The following SULF2 variants were observed in gnomAD, a reference collection of about 807,000 sequenced individuals.
SULF2 encodes the protein extracellular sulfatase Sulf-2.
A neutral mutation model predicts 107.7 loss-of-function variants in SULF2; 52 were observed. The observed-to-expected ratio is 0.48, with a 90% CI of 0.39 to 0.61. The LOEUF (loss-of-function observed/expected upper bound fraction) is 0.61. SULF2 is among the 20% of genes least tolerant of loss of function. The probability of loss-of-function intolerance (pLI) is 0.00; values close to 1 mark genes in which losing one functional copy is unlikely to be tolerated. For missense variants in SULF2, 993 were observed against 1,177.3 expected (o/e 0.84, Z 2.29); for synonymous variants, 460 against 464.3 (o/e 0.99, Z 0.12).
intron 1 of SULF2, among the ~76,000 whole-genome samples, chr20:47,775,702 A>G (rs1012997674): frequency 6.6e-6 from 1 of 152,222 alleles, no homozygotes; most frequent in Non-Finnish European, 1.5e-5. Flanking sequence ...TGGTACAAAG[A>G]TGAACAAGCT....
chr20:47,741,599 G>C (rs946009151), intron 2 of SULF2, among the ~76,000 whole-genome samples: 4 of 152,198 alleles, frequency 2.6e-5, no homozygotes, highest in African/African-American at 9.7e-5. Context: ...GCCTAGAACA[G>C]TGCCTGGCAC....
chr20:47,758,229 C>A (rs1024339209), intron 1 of SULF2, among the ~76,000 whole-genome samples: 1 of 143,878 alleles, frequency 7.0e-6, no homozygotes, highest in Non-Finnish European at 1.5e-5. Context: ...AGTGCAATGA[C>A]GCCATCTGGG....
chr20:47,721,687 A>G (rs1175994934), intron 3 of SULF2, among the ~76,000 whole-genome samples: 1 of 152,060 alleles, frequency 6.6e-6, no homozygotes, highest in Non-Finnish European at 1.5e-5. Flanking sequence ...GGGTTTCTAT[A>G]GTGGATATCT....
At chr20:47,701,533 G>A (rs376196938) in intron 4 of SULF2, among the ~76,000 whole-genome samples, 2 of 152,146 alleles carry the variant, frequency 1.3e-5, no homozygotes, top group Admixed American at 6.5e-5. Flanking sequence ...CACTCACTCC[G>A]AACATGCACA....
rs137857362 is a variant in SULF2, at chr20:47,752,845, C to G, written c.175+4344G>C. Among the ~76,000 whole-genome samples the G allele has an allele frequency of 8.3e-4, 126 of 152,136 alleles. 1 individual carries two copies. The highest frequency in any genetic ancestry group is 3.0e-3 in the African/African-American group (124 of 41,522). On this transcript the variant is annotated intron_variant, in intron 2 of 20. Coordinates refer to ENST00000688720, the MANE Select transcript of SULF2 (RefSeq NM_001387048.1). The stretch of plus-strand genomic sequence containing the variant: ...GGCCAGGTGTGGTGGCTCACGCCTG[C>G]GATCCCAGCATTTTGGGAGGCCGAG...
rs80096469 is a variant in SULF2, at chr20:47,704,144, C to T, written c.416-1474G>A. Among the ~76,000 whole-genome samples, 18 of 152,198 alleles carry T rather than the reference C, an allele frequency of 1.2e-4. 1 individual carries two copies. The Middle Eastern group carries it at 0.01, about 86-fold the overall frequency. ...GGAGCCATGCACTTTTCCACATGCA[C>T]GCTTTACATCAACAACAAAGCTTAA... On this transcript the variant is annotated intron_variant, in intron 3 of 20. Transcript: ENST00000688720.
rs147172298 is a variant in SULF2, at chr20:47,716,295, A to G, written c.416-13625T>C. Among the ~76,000 whole-genome samples the G allele has an allele frequency of 2.1e-3, 319 of 152,360 alleles. 2 individuals are homozygous for G. In the South Asian group the frequency reaches 0.035, roughly 17 times the overall value. The stretch of plus-strand genomic sequence containing the variant: ...GCTGGGCGTGATGACTTATGTGGTC[A>G]GGAGTTCAGGACCAGCCTGGCCAAT... On this transcript the variant is annotated intron_variant, in intron 3 of 20. Coordinates refer to ENST00000688720, the MANE Select transcript of SULF2 (RefSeq NM_001387048.1).
intron 4 of SULF2, among the ~76,000 whole-genome samples, chr20:47,695,295 A>G (rs2088338092): frequency 6.6e-6 from 1 of 152,224 alleles, no homozygotes; most frequent in South Asian, 2.1e-4. Flanking sequence ...GTGGTAAAAA[A>G]AAAATGAGCT....
intron 4 of SULF2, among the ~76,000 whole-genome samples, chr20:47,691,513 G>A (rs1313818952): frequency 2.6e-5 from 4 of 152,186 alleles, no homozygotes; most frequent in Admixed American, 2.6e-4. Context: ...CCAGGTATCA[G>A]ACTTTTAAAA....
At position 47,676,432 on chromosome 20, in the gene SULF2, G is replaced by A. The variant is rs577433970; in HGVS notation, c.1380+62C>T. The A allele has an allele frequency of 1.6e-5, 25 of 1,564,742 alleles. No homozygotes were observed. In the South Asian group the frequency reaches 2.1e-4, roughly 13 times the overall value. On this transcript the variant is annotated intron_variant, in intron 10 of 20. Transcript: ENST00000688720. ...CTGGCTCAGCGGCTCTCAGAGCCTC[G>A]CAGGTCAGGGCCGGCTGCAGTCAGG...
intron 1 of SULF2, among the ~76,000 whole-genome samples, chr20:47,776,077 G>A (rs111972364): frequency 2.0e-5 from 3 of 152,280 alleles, no homozygotes; most frequent in African/African-American, 7.2e-5. Flanking sequence ...GGTAGAGATG[G>A]AACAGAGAAA....
At position 47,782,260 on chromosome 20, in the gene SULF2, T is replaced by C. The variant is rs141220489; in HGVS notation, c.-101+3083A>G. Among the ~76,000 whole-genome samples, 217 of 152,322 alleles carry C rather than the reference T, an allele frequency of 1.4e-3. 2 individuals carry two copies. The highest frequency in any genetic ancestry group is 2.3e-3 in the Non-Finnish European group (158 of 68,040). ...ACCCAACTGTGGCCAGCCCAGCGCT[T>C]CTTCCCCTTTAGGCTCCAAGTGAGG... is the stretch of plus-strand genomic sequence containing the variant. On this transcript the variant is annotated intron_variant, in intron 1 of 20. Coordinates refer to ENST00000688720, the MANE Select transcript of SULF2 (RefSeq NM_001387048.1).
intron 1 of SULF2, among the ~76,000 whole-genome samples, chr20:47,760,421 C>T (rs1367161690): frequency 2.0e-5 from 3 of 152,046 alleles, no homozygotes; most frequent in Non-Finnish European, 4.4e-5. Context: ...CCTGGGGCCC[C>T]TCCTGGCTCT....
chr20:47,759,545 AGC>A (rs2090371310), intron 1 of SULF2, among the ~76,000 whole-genome samples: 1 of 152,200 alleles, frequency 6.6e-6, no homozygotes, highest in Admixed American at 6.5e-5. Context: ...TACGCAAATT[AGC>A]TGGGCATGGT....
At chr20:47,679,100 AC>A (rs1050588142) in intron 7 of SULF2, among the ~76,000 whole-genome samples, 1 of 142,122 alleles carries the variant, frequency 7.0e-6, no homozygotes, top group African/African-American at 2.7e-5. Context: ...AGTGAAGGCG[AC>A]CCCCCCTTTA....
chr20:47,757,957 G>T (rs1247630912), intron 1 of SULF2, among the ~76,000 whole-genome samples: 1 of 152,060 alleles, frequency 6.6e-6, no homozygotes, highest in Non-Finnish European at 1.5e-5. Flanking sequence ...GCCTGGAGCT[G>T]GATGTTTTGG....
In SULF2 at chr20:47,680,662, GTGTCA is replaced by G. The variant is rs1447530436; in HGVS notation, c.1065-1863_1065-1859del. Among the ~76,000 whole-genome samples, 4 of 152,228 alleles carry G rather than the reference GTGTCA, an allele frequency of 2.6e-5. No individual in the cohort carries two copies. The highest frequency in any genetic ancestry group is 5.9e-5 in the Non-Finnish European group (4 of 68,044). ...GTGTGCAGCTGCTGAAGATGGGGCT[GTGTCA>G]TGGGGGGCTCGAAGGCCAGCGTGAG... On this transcript the variant is annotated intron_variant, in intron 7 of 20. Transcript: ENST00000688720. This position sits in a 1 kb window ranked among gnomAD's most constrained non-coding sequence, Gnocchi z 4.2.
In SULF2 at chr20:47,731,182, C is replaced by CTTTTTTTTTTTTTTTT. The variant is rs1342480404; in HGVS notation, c.415+5520_415+5521insAAAAAAAAAAAAAAAA. Among the ~76,000 whole-genome samples, 148 of 99,522 alleles carry CTTTTTTTTTTTTTTTT rather than the reference C, an allele frequency of 1.5e-3. 4 individuals carry two copies. The highest frequency in any genetic ancestry group is 2.2e-3 in the Admixed American group (21 of 9,378). The allele number at this position is 99,522 out of a possible 152,430, so 65.3% of individuals were successfully genotyped here. On this transcript the variant is annotated intron_variant, in intron 3 of 20. Transcript: ENST00000688720. ...GACTCTGCCTGCTACTCACCTGTAT[C>CTTTTTTTTTTTTTTTT]TTCTCTTTTTTTTTTTTTTTTTTTT...
At chr20:47,706,483 TCA>T (rs1272824255) in intron 3 of SULF2, 1 of 152,078 alleles carries the variant, frequency 6.6e-6, no homozygotes, top group Admixed American at 6.5e-5. Context: ...AAAAAAGAAG[TCA>T]CAGACAAGAC....
Sources: allele counts gnomAD v4.1 joint callset (sites outside exome capture counted in the v4.1 genomes callset), GRCh38; gene constraint gnomAD v4.1.1; non-coding constraint Gnocchi (gnomAD v3.1); transcripts MANE v1.5; gene names NCBI Gene and HGNC (gene_info 2026-07-23, HGNC 2026-07-21).